Variants in FOXP2 observed in about 807,000 individuals in gnomAD.
The protein encoded by FOXP2 is forkhead box protein P2.
In FOXP2, 12 loss-of-function variants were observed where a neutral mutation model predicts 115.8. That is an observed-to-expected ratio of 0.10 (90% CI 0.07 to 0.17). The LOEUF (loss-of-function observed/expected upper bound fraction) is 0.17, where lower values mean the gene tolerates loss of function less well. Among genes scored for constraint, FOXP2 ranks in the 10% least tolerant of loss-of-function variants. FOXP2 has a pLI of 1.00. For missense variants in FOXP2, 629 were observed against 843.5 expected (o/e 0.75, Z 3.15); for synonymous variants, 328 against 297.7 (o/e 1.10, Z -1.05).
chr7:114,403,905 C>A (rs992268149), intron 2 of FOXP2, among the ~76,000 whole-genome samples: 3 of 152,134 alleles, frequency 2.0e-5, no homozygotes, highest in Non-Finnish European at 4.4e-5. Flanking sequence ...ATACCTCATA[C>A]CTCTTACTTG....
At chr7:114,402,568 A>G (rs1156828369) in intron 2 of FOXP2, among the ~76,000 whole-genome samples, 1 of 151,788 alleles carries the variant, frequency 6.6e-6, no homozygotes, top group East Asian at 1.9e-4. Context: ...AAACAAGCTG[A>G]CTCAGACCAC....
chr7:114,465,581 C>T (rs979234172), intron 2 of FOXP2, among the ~76,000 whole-genome samples: 3 of 152,080 alleles, frequency 2.0e-5, no homozygotes, highest in Admixed American at 1.3e-4. Context: ...GTTAGTAAAC[C>T]ACCTATTAAA....
intron 1 of FOXP2, among the ~76,000 whole-genome samples, chr7:114,268,458 TA>T (rs916873457): frequency 2.0e-5 from 3 of 152,194 alleles, no homozygotes; most frequent in African/African-American, 4.8e-5. Context: ...GCTCACATTT[TA>T]AAAACTACCA....
intron 2 of FOXP2, among the ~76,000 whole-genome samples, chr7:114,477,959 CAA>C (rs1465696933): frequency 6.6e-6 from 1 of 151,764 alleles, no homozygotes; most frequent in Non-Finnish European, 1.5e-5. Context: ...CAAAGTTCTA[CAA>C]AAACTTCTGG....
chr7:114,333,477 T>C (rs1239381380), intron 2 of FOXP2, among the ~76,000 whole-genome samples: 1 of 152,130 alleles, frequency 6.6e-6, no homozygotes, highest in African/African-American at 2.4e-5. Flanking sequence ...TGAGGCCAAG[T>C]GTGGGTGGCT....
chr7:114,497,687 A>G (rs1797382836), intron 2 of FOXP2, among the ~76,000 whole-genome samples: 1 of 147,490 alleles, frequency 6.8e-6, no homozygotes, highest in South Asian at 2.1e-4. Context: ...ATAAATAAAT[A>G]AATAAATAAA....
intron 3 of FOXP2, among the ~76,000 whole-genome samples, chr7:114,597,068 G>A (rs1419137567): frequency 6.6e-6 from 1 of 151,884 alleles, no homozygotes; most frequent in African/African-American, 2.4e-5. Context: ...AAAATTGGGG[G>A]CTCTTCTCAA....
rs145918012 is a variant in FOXP2, at chr7:114,300,605, T to C, written c.-11+12496T>C. Among the ~76,000 whole-genome samples, 356 of 152,170 alleles carry C rather than the reference T, an allele frequency of 2.3e-3. 2 individuals carry two copies. The highest frequency in any genetic ancestry group is 8.1e-3 in the African/African-American group (337 of 41,566). ...TCTGAGTAGTACACTACTATAGGTA[T>C]AATTAACCAGATGCCTCATTCCTCA... On this transcript the variant is annotated intron_variant, in intron 2 of 17. Coordinates refer to the FOXP2 transcript ENST00000634411.
chr7:114,616,988 A>T (rs901601537), intron 3 of FOXP2, among the ~76,000 whole-genome samples: 4 of 152,218 alleles, frequency 2.6e-5, no homozygotes, highest in African/African-American at 9.6e-5. Context: ...TGGGAGGCTG[A>T]TGCAGGAGGA....
intron 1 of FOXP2, among the ~76,000 whole-genome samples, chr7:114,236,084 G>A (rs956910178): frequency 6.6e-6 from 1 of 152,124 alleles, no homozygotes; most frequent in African/African-American, 2.4e-5. Flanking sequence ...CATAGAAACT[G>A]CTGAATAAAT....
intron 3 of FOXP2, among the ~76,000 whole-genome samples, chr7:114,581,562 C>T (rs1801870788): frequency 6.6e-6 from 1 of 152,094 alleles, no homozygotes; most frequent in Non-Finnish European, 1.5e-5. Flanking sequence ...CTATTATAAA[C>T]ATCCCAACCA....
intron 10 of FOXP2, among the ~76,000 whole-genome samples, chr7:114,654,601 GACTAGTTTCCCTCAAAAAT>G (rs1806469353): frequency 6.6e-6 from 1 of 152,128 alleles, no homozygotes. Flanking sequence ...AGAAAATTAA[GACTAGTTTCCCTCAAAAAT>G]ATATGAGATT....
intron 3 of FOXP2, among the ~76,000 whole-genome samples, chr7:114,602,708 A>G (rs1803093368): frequency 6.6e-6 from 1 of 152,154 alleles, no homozygotes; most frequent in African/African-American, 2.4e-5. Context: ...TATATTTTCC[A>G]TGCTTATGTG....
chr7:114,474,456 G>C (rs1156738302), intron 2 of FOXP2, among the ~76,000 whole-genome samples: 1 of 152,086 alleles, frequency 6.6e-6, no homozygotes, highest in African/African-American at 2.4e-5. Context: ...TGTATGTGTA[G>C]CATAACAAAC....
chr7:114,375,741 A>G (rs1224633305), intron 2 of FOXP2, among the ~76,000 whole-genome samples: 1 of 152,098 alleles, frequency 6.6e-6, no homozygotes, highest in African/African-American at 2.4e-5. Context: ...GTGATCTCTC[A>G]TCTTTAGATA....
intron 1 of FOXP2, among the ~76,000 whole-genome samples, chr7:114,246,507 A>G (rs1215096353): frequency 6.6e-6 from 1 of 152,162 alleles, no homozygotes; most frequent in African/African-American, 2.4e-5. Flanking sequence ...GGCCTTTTAT[A>G]TGTTGTTTCT....
At chr7:114,544,187 C>A (rs925459562) in intron 3 of FOXP2, among the ~76,000 whole-genome samples, 1 of 151,994 alleles carries the variant, frequency 6.6e-6, no homozygotes, top group African/African-American at 2.4e-5. Context: ...TAGGGAAAGG[C>A]CGTGTCTTGA....
chr7:114,390,514 T>TTATTTATG (rs1488873640), intron 2 of FOXP2, among the ~76,000 whole-genome samples: 103 of 129,450 alleles, frequency 8.0e-4, no homozygotes, highest in African/African-American at 1.3e-3. Context: ...TACTTTTGTT[T>TTATTTATG]TATTTATGTA....
At chr7:114,438,079 A>AT (rs907033944) in intron 2 of FOXP2, among the ~76,000 whole-genome samples, 11 of 151,966 alleles carry the variant, frequency 7.2e-5, no homozygotes, top group South Asian at 2.1e-4. Flanking sequence ...ACCTGTTTTT[A>AT]TTTTTTTTAA....
Sources: allele counts gnomAD v4.1 joint callset (sites outside exome capture counted in the v4.1 genomes callset), GRCh38; gene constraint gnomAD v4.1.1; transcripts MANE v1.5; gene names NCBI Gene and HGNC (gene_info 2026-07-23, HGNC 2026-07-21).